TPO: variants seen among roughly 807,000 people sequenced by gnomAD.
TPO encodes thyroid microsomal antigen.
TPO carries 78 observed loss-of-function variants against 96.9 expected under a neutral mutation model. The observed-to-expected ratio is 0.81, with a 90% CI of 0.67 to 0.97. The LOEUF is 0.97. Ranked by LOEUF, TPO falls within the 50% of genes least tolerant of loss-of-function variation. The pLI is 0.00. For missense variants in TPO, 1,252 were observed against 1,274.8 expected, an observed-to-expected ratio of 0.98 and a Z score of 0.27; for synonymous variants, 547 against 538.0, an observed-to-expected ratio of 1.02 and a Z score of -0.23.
intron 14 of TPO, chr2:1,512,575 G>A (rs748863044): frequency 5.8e-5 from 46 of 787,412 alleles, no homozygotes; most frequent in Non-Finnish European, 6.9e-5. Flanking sequence ...CCTGAAGTCA[G>A]GGTCCGCCGC....
At chr2:1,452,091 T>C in intron 5 of TPO, among the ~76,000 whole-genome samples, 1 of 152,216 alleles carries the variant, frequency 6.6e-6, no homozygotes, top group East Asian at 1.9e-4. Context: ...CATGTTACTT[T>C]TTATGTATTT....
Position 1,520,284 on chromosome 2 carries a change from G to A in TPO, c.2618+3302G>A, listed in dbSNP as rs565056010. 2.0e-5 allele frequency among the ~76,000 whole-genome samples: 3 copies of A among 152,296 alleles called. No individual in the cohort carries two copies. The South Asian group carries it at 6.2e-4, about 32-fold the overall frequency. ...AACACAATCCCAGCCTCGCCTCCCT[G>A]TGTCTTATTCTTCAGCTTTTAAAAA... On this transcript the variant is annotated intron_variant, in intron 15 of 16. Transcript: ENST00000329066.
At chr2:1,524,423 G>T (rs1410152093) in intron 15 of TPO, among the ~76,000 whole-genome samples, 1 of 72,726 alleles carries the variant, frequency 1.4e-5, no homozygotes, top group Admixed American at 2.1e-4. Context: ...CTCCCATTGT[G>T]TGCAACCCCC....
intron 1 of TPO, among the ~76,000 whole-genome samples, chr2:1,383,072 C>T (rs373489475): frequency 4.6e-5 from 7 of 151,842 alleles, no homozygotes; most frequent in Admixed American, 6.6e-5. Context: ...TTTTTATGGC[C>T]GCATAGTATT....
chr2:1,438,739 T>A (rs1172221373), intron 5 of TPO: 4 of 699,662 alleles, frequency 5.7e-6, no homozygotes, highest in Non-Finnish European at 7.9e-6. Context: ...ATGATCTAAA[T>A]CTTGCTTGAT....
Position 1,408,162 on chromosome 2 carries a change from C to A in TPO, n.180+33760C>A, listed in dbSNP as rs147097640. On this transcript the variant is annotated intron_variant and non_coding_transcript_variant, in intron 1 of 5. Transcript: ENST00000497517. ...CTCGAGCACACAGATATTCAGGATC[C>A]TCTTGTCCCCGTGTGCAGAGAGGCC... is the stretch of plus-strand genomic sequence containing the variant. Among the ~76,000 whole-genome samples, 43 of 152,330 alleles carry A rather than the reference C, an allele frequency of 2.8e-4. No homozygotes were observed. In the East Asian group the frequency reaches 8.1e-3, roughly 29 times the overall value.
At position 1,542,592 on chromosome 2, in the gene TPO, A is replaced by C; in HGVS notation, c.*118A>C. 1 of 1,560,918 alleles carries C rather than the reference A, an allele frequency of 6.4e-7. No homozygotes were observed. On this transcript the variant is annotated 3_prime_UTR_variant, in exon 17 of 17. Coordinates refer to ENST00000329066, the MANE Select transcript of TPO (RefSeq NM_001206744.2). ...GACGACTGTTTTCCCAACACGGGTA[A>C]ATCTAGTACCATGTCGTAGTTACTC... is the stretch of plus-strand genomic sequence containing the variant.
At chr2:1,501,338 C>G (rs1672853353) in intron 13 of TPO, among the ~76,000 whole-genome samples, 1 of 151,412 alleles carries the variant, frequency 6.6e-6, no homozygotes, top group African/African-American at 2.4e-5. Context: ...TGCAGGTCAC[C>G]CTGGTATCTG....
At chr2:1,376,625 C>G (rs1240099688) in intron 1 of TPO, among the ~76,000 whole-genome samples, 2 of 152,142 alleles carry the variant, frequency 1.3e-5, no homozygotes, top group Admixed American at 1.3e-4. Flanking sequence ...ACAGCACCCC[C>G]AGTCCAGTCC....
chr2:1,469,480 T>C (rs962205493), intron 7 of TPO, among the ~76,000 whole-genome samples: 1 of 152,188 alleles, frequency 6.6e-6, no homozygotes, highest in South Asian at 2.1e-4. Context: ...GTTATCTCTC[T>C]TCTGGATCTA....
rs781491056 is a variant in TPO, at chr2:1,477,268, G to C, written c.1002G>C (p.Pro334=). 49 of 1,603,800 alleles carry C rather than the reference G, an allele frequency of 3.1e-5. No homozygotes were observed. The Middle Eastern group carries it at 8.3e-4, about 27-fold the overall frequency. ...LDASTVYGSS[P]ALERQLRNWT... Reference sequence around the variant, plus strand: ...CGTCCACCGTGTATGGCAGCTCCCCGGCCCTAGAGAGGCAGCTGCGGAACT... The same window carrying C: ...CGTCCACCGTGTATGGCAGCTCCCCCGCCCTAGAGAGGCAGCTGCGGAACT... The change falls in exon 8 of 17, where the codon CCG becomes CCC. Residue 334 remains proline (P), a synonymous_variant. Coordinates refer to ENST00000329066, the MANE Select transcript of TPO (RefSeq NM_001206744.2).
At chr2:1,375,577 C>T (rs7587842) in intron 1 of TPO, among the ~76,000 whole-genome samples, 1 of 151,900 alleles carries the variant, frequency 6.6e-6, no homozygotes, top group Non-Finnish European at 1.5e-5. Context: ...AGTGAATCCA[C>T]GTTTTACACA....
intron 5 of TPO, among the ~76,000 whole-genome samples, chr2:1,439,989 C>T (rs1298251225): frequency 6.6e-6 from 1 of 152,202 alleles, no homozygotes; most frequent in Non-Finnish European, 1.5e-5. Context: ...TCCCCCCCAG[C>T]GGTCTCCTAA....
Position 1,414,299 on chromosome 2 carries a change from T to C in TPO, c.-1-109T>C, listed in dbSNP as rs1323641107. 5.7e-6 allele frequency: 6 copies of C among 1,044,762 alleles called. No homozygotes were observed. In the East Asian group the frequency reaches 1.3e-4, roughly 23 times the overall value. The allele number at this position is 1,044,762 out of a possible 1,614,324, so 64.7% of individuals were successfully genotyped here. A position where few individuals can be genotyped will look rare whatever the true frequency, so the allele number is the denominator to read the frequency against. Reference sequence around the variant, plus strand: ...GAGGGTCGCTCACTGCGGTAGAGGCTGCGTGGAGTCAGTGGAGGGAGCCCC... The same window carrying C: ...GAGGGTCGCTCACTGCGGTAGAGGCCGCGTGGAGTCAGTGGAGGGAGCCCC... On this transcript the variant is annotated intron_variant, in intron 1 of 16. Coordinates refer to ENST00000329066, the MANE Select transcript of TPO (RefSeq NM_001206744.2).
intron 14 of TPO, among the ~76,000 whole-genome samples, chr2:1,506,699 T>C (rs1366071086): frequency 1.0e-3 from 149 of 142,070 alleles, no homozygotes; most frequent in South Asian, 2.5e-3. Flanking sequence ...GAAGTGTCTG[T>C]TCATATCCTT....
At chr2:1,431,035 G>C (rs1664927684) in intron 3 of TPO, among the ~76,000 whole-genome samples, 1 of 152,198 alleles carries the variant, frequency 6.6e-6, no homozygotes, top group South Asian at 2.1e-4. Flanking sequence ...ATGTGAGAAA[G>C]GTGTGGGATT....
At chr2:1,418,406 G>C (rs1663164645) in intron 2 of TPO, among the ~76,000 whole-genome samples, 1 of 152,168 alleles carries the variant, frequency 6.6e-6, no homozygotes, top group Non-Finnish European at 1.5e-5. Context: ...AAAGATCTTG[G>C]CTGGTGCTCA....
intron 15 of TPO, among the ~76,000 whole-genome samples, chr2:1,528,652 C>G (rs1677204180): frequency 7.2e-6 from 1 of 139,448 alleles, no homozygotes; most frequent in Non-Finnish European, 1.5e-5. Context: ...TGCAACCTCA[C>G]CACATCCACC....
chr2:1,431,825 G>A (rs1317246163), intron 3 of TPO, among the ~76,000 whole-genome samples: 1 of 152,234 alleles, frequency 6.6e-6, no homozygotes, highest in East Asian at 1.9e-4. Context: ...CAACTGAAGA[G>A]AACAACTAGG....
Sources: gnomAD v4.1 joint callset for allele counts (sites outside exome capture counted in the v4.1 genomes callset) on GRCh38, gnomAD v4.1.1 for gene constraint, MANE v1.5 for transcripts, NCBI Gene and HGNC (gene_info 2026-07-23, HGNC 2026-07-21) for gene names.